CPQ: variants seen among roughly 807,000 people sequenced by gnomAD.
CPQ encodes carboxypeptidase Q, also known as Ser-Met dipeptidase.
In CPQ, 37 loss-of-function variants were observed where a neutral mutation model predicts 45.7. The observed-to-expected ratio is 0.81, with a 90% CI of 0.62 to 1.07. The LOEUF is 1.07. Ranked by LOEUF, CPQ falls within the 50% of genes least tolerant of loss-of-function variation. The pLI, the probability that CPQ is intolerant of heterozygous loss-of-function variation, is 0.00. For synonymous variants in CPQ, 186 were observed against 205.8 expected (o/e 0.90, Z 0.82); for missense variants, 537 against 572.9 (o/e 0.94, Z 0.64).
chr8:97,105,884 G>C (rs971140426), intron 7 of CPQ, among the ~76,000 whole-genome samples: 4 of 152,128 alleles, frequency 2.6e-5, no homozygotes, highest in Non-Finnish European at 5.9e-5. Flanking sequence ...ACAGCTATTT[G>C]GTAATTCTGC....
chr8:96,757,215 G>A (rs149047512), intron 1 of CPQ, among the ~76,000 whole-genome samples: 12 of 152,000 alleles, frequency 7.9e-5, no homozygotes, highest in Non-Finnish European at 1.3e-4. Context: ...GCTGGGCGTC[G>A]TGGCGCATGC....
intron 2 of CPQ, among the ~76,000 whole-genome samples, chr8:96,832,589 A>C (rs1412087938): frequency 2.6e-5 from 4 of 152,164 alleles, no homozygotes; most frequent in African/African-American, 7.2e-5. Context: ...AGGTACTCTG[A>C]AAGTCCAGAG....
At chr8:97,095,352 C>T (rs1811192972) in intron 7 of CPQ, among the ~76,000 whole-genome samples, 1 of 152,194 alleles carries the variant, frequency 6.6e-6, no homozygotes, top group African/African-American at 2.4e-5. Context: ...TTGACTTAGA[C>T]TTATTTTCCT....
At chr8:96,981,230 A>G (rs1813890664) in intron 5 of CPQ, among the ~76,000 whole-genome samples, 1 of 152,230 alleles carries the variant, frequency 6.6e-6, no homozygotes, top group Non-Finnish European at 1.5e-5. Flanking sequence ...CTCATGCATA[A>G]AAAACCAAGG....
intron 1 of CPQ, among the ~76,000 whole-genome samples, chr8:96,688,712 A>G (rs1427800925): frequency 6.6e-6 from 1 of 152,126 alleles, no homozygotes; most frequent in Non-Finnish European, 1.5e-5. Context: ...ATTTCAATGT[A>G]CTGTAATTCT....
intron 7 of CPQ, among the ~76,000 whole-genome samples, chr8:97,089,438 G>A (rs577957457): frequency 1.3e-5 from 2 of 152,128 alleles, no homozygotes; most frequent in African/African-American, 2.4e-5. Context: ...TCTCCCCTTC[G>A]AGACCAGAGC....
chr8:96,697,796 A>G (rs987864009), intron 1 of CPQ, among the ~76,000 whole-genome samples: 2 of 152,136 alleles, frequency 1.3e-5, no homozygotes, highest in Non-Finnish European at 2.9e-5. Flanking sequence ...GGAATTAACC[A>G]AACAAGTGAA....
chr8:96,757,365 T>C (rs953771516), intron 1 of CPQ, among the ~76,000 whole-genome samples: 1 of 126,318 alleles, frequency 7.9e-6, no homozygotes, highest in Admixed American at 7.6e-5. Flanking sequence ...ATAATAATAA[T>C]AATAATAATA....
At chr8:96,691,207 T>C (rs148760980) in intron 1 of CPQ, among the ~76,000 whole-genome samples, 7 of 152,320 alleles carry the variant, frequency 4.6e-5, no homozygotes, top group Non-Finnish European at 8.8e-5. Flanking sequence ...CTCTTCCAGG[T>C]TCTAGTGGCT....
At chr8:96,691,895 A>G (rs1809309541) in intron 1 of CPQ, among the ~76,000 whole-genome samples, 1 of 152,172 alleles carries the variant, frequency 6.6e-6, no homozygotes, top group Admixed American at 6.6e-5. Context: ...TTACTCCAAA[A>G]TATGTCCAAA....
At chr8:96,906,122 A>C (rs1186529359) in intron 4 of CPQ, among the ~76,000 whole-genome samples, 1 of 152,114 alleles carries the variant, frequency 6.6e-6, no homozygotes, top group Non-Finnish European at 1.5e-5. Context: ...TGGGCTGTGC[A>C]TTTTACATGA....
chr8:96,671,169 C>T (rs908912233), intron 1 of CPQ, among the ~76,000 whole-genome samples: 6 of 152,158 alleles, frequency 3.9e-5, no homozygotes, highest in Non-Finnish European at 7.4e-5. Flanking sequence ...TTTCCTTGTA[C>T]TTGATAACCT....
intron 7 of CPQ, among the ~76,000 whole-genome samples, chr8:97,131,623 G>T (rs1811958583): frequency 6.6e-6 from 1 of 152,142 alleles, no homozygotes; most frequent in South Asian, 2.1e-4. Context: ...GGCCCCCAGA[G>T]GCATTTTGTG....
At chr8:96,771,403 AC>A (rs1485715050) in intron 1 of CPQ, among the ~76,000 whole-genome samples, 1 of 151,656 alleles carries the variant, frequency 6.6e-6, no homozygotes, top group Non-Finnish European at 1.5e-5. Flanking sequence ...AGGATTGCAA[AC>A]CCCATGGCTT....
At chr8:96,843,671 GAATA>G (rs1211788180) in intron 3 of CPQ, among the ~76,000 whole-genome samples, 2 of 152,296 alleles carry the variant, frequency 1.3e-5, no homozygotes, top group African/African-American at 4.8e-5. Context: ...AGTAGTGCTG[GAATA>G]AATAAAGAGC....
intron 1 of CPQ, among the ~76,000 whole-genome samples, chr8:96,682,538 TG>T: frequency 6.6e-6 from 1 of 152,342 alleles, no homozygotes; most frequent in Admixed American, 6.5e-5. Flanking sequence ...AGCATGAAAA[TG>T]GGCTAATACA....
chr8:96,879,750 T>G (rs780526089), intron 3 of CPQ, 48 bp from the exon 4 acceptor site: 26 of 1,454,200 alleles, frequency 1.8e-5, no homozygotes, highest in Non-Finnish European at 2.5e-5. Context: ...AAAAAGTCTT[T>G]TGGTCTATTT....
chr8:96,722,572 A>G (rs1809779591), intron 1 of CPQ, among the ~76,000 whole-genome samples: 1 of 152,320 alleles, frequency 6.6e-6, no homozygotes, highest in South Asian at 2.1e-4. Flanking sequence ...GAAGTTTCCT[A>G]TGCATCCTCA....
chr8:97,076,026 G>A (rs1452554298), intron 7 of CPQ, among the ~76,000 whole-genome samples: 1 of 151,888 alleles, frequency 6.6e-6, no homozygotes, highest in Non-Finnish European at 1.5e-5. Context: ...TTGTTTGTTT[G>A]TTTGTTTTTT....
Sources: gnomAD v4.1 joint callset for allele counts (sites outside exome capture counted in the v4.1 genomes callset) on GRCh38, gnomAD v4.1.1 for gene constraint, MANE v1.5 for transcripts, NCBI Gene and HGNC (gene_info 2026-07-23, HGNC 2026-07-21) for gene names.